The following ZW10 variants were observed in gnomAD, a reference collection of about 807,000 sequenced individuals.
The protein encoded by ZW10 is zw10 kinetochore protein, also known as centromere/kinetochore protein zw10 homolog.
Under a neutral mutation model 87.8 loss-of-function variants are expected in ZW10, and 53 were observed. The ratio of observed to expected loss-of-function variants is 0.60; its 90% confidence interval spans 0.48 to 0.76. The LOEUF (loss-of-function observed/expected upper bound fraction) is 0.76, where lower values mean the gene tolerates loss of function less well. Among genes scored for constraint, ZW10 ranks in the 30% least tolerant of loss-of-function variants. The pLI is 0.00. For synonymous variants in ZW10, 312 were observed against 329.2 expected (o/e 0.95, Z 0.57); for missense variants, 837 against 923.0 (o/e 0.91, Z 1.21).
At chr11:113,751,649 C>T (rs867957711) in intron 7 of ZW10, among the ~76,000 whole-genome samples, 26 of 152,256 alleles carry the variant, frequency 1.7e-4, no homozygotes, top group Middle Eastern at 6.8e-3. Flanking sequence ...CCAAGGAGGG[C>T]AGATTACAAG....
rs111230072 is a variant in ZW10, at chr11:113,767,941, C to T, written c.240+892G>A. ...TTCCTTCCCCTGTTGCCTATCACTT[C>T]CCGTCTTGGTTTGGATGCCATTTCC... On this transcript the variant is annotated intron_variant, in intron 2 of 15. Coordinates refer to ENST00000200135, the MANE Select transcript of ZW10 (RefSeq NM_004724.4). 7.9e-3 allele frequency among the ~76,000 whole-genome samples: 1,210 copies of T among 152,302 alleles called. 14 individuals are homozygous for T. Among genetic ancestry groups the T allele is most frequent in the African/African-American group, 0.028 (1,168 of 41,556 alleles).
At chr11:113,747,415 T>C (rs1953690231) in intron 9 of ZW10, 116 bp downstream of exon 9, 1 of 903,144 alleles carries the variant, frequency 1.1e-6, no homozygotes, top group Non-Finnish European at 1.6e-6. Flanking sequence ...AAAAGATTGA[T>C]AACTTGACTC....
intron 11 of ZW10, 84 bp downstream of exon 11, chr11:113,741,610 G>T: frequency 1.2e-6 from 1 of 819,476 alleles, no homozygotes. Flanking sequence ...TCTTTAGTGG[G>T]AATATAAAAT....
At position 113,757,784 on chromosome 11, in the gene ZW10, C is replaced by A. The variant is rs1442000387; in HGVS notation, c.803G>T (p.Ser268Ile). 6.2e-7 allele frequency: 1 copy of A among 1,613,664 alleles called. No homozygotes were observed. Residue 268 changes from serine to isoleucine, a missense_variant, in exon 7 of 16, where the codon AGC (serine) becomes ATC (isoleucine). Coordinates refer to ENST00000200135, the MANE Select transcript of ZW10 (RefSeq NM_004724.4). Reference sequence around the variant, plus strand: ...ACGAATAATAACTATGTTAGGCTGGCTTTCTATCACAGCATGAAGGGATGG... The same window carrying A: ...ACGAATAATAACTATGTTAGGCTGGATTTCTATCACAGCATGAAGGGATGG... ...SCPSLHAVIE[S>I]QPNIVIIRFE...
chr11:113,746,495 C>CAAAAAAAAAAAAAAAAAAAAA (rs566009326), intron 9 of ZW10, among the ~76,000 whole-genome samples: 1 of 105,342 alleles, frequency 9.5e-6, no homozygotes, highest in Non-Finnish European at 1.8e-5. Flanking sequence ...ACAAAACAGT[C>CAAAAAAAAAAAAAAAAAAAAA]AAAAAAAAAA....
chr11:113,749,828 C>G (rs1249091580), intron 7 of ZW10, among the ~76,000 whole-genome samples: 1 of 152,178 alleles, frequency 6.6e-6, no homozygotes, highest in African/African-American at 2.4e-5. Context: ...GTCAAGCACT[C>G]AACAGGCACA....
Position 113,773,583 on chromosome 11 carries a change from G to T in ZW10, c.84C>A (p.Thr28=). The T allele has an allele frequency of 1.2e-6, 2 of 1,613,728 alleles. No individual in the cohort carries two copies. The highest frequency in any genetic ancestry group is 1.7e-6 in the Non-Finnish European group (2 of 1,179,968). Residue 28 remains threonine, a synonymous_variant, in exon 1 of 16, where the codon ACC becomes ACA. Coordinates refer to ENST00000200135, the MANE Select transcript of ZW10 (RefSeq NM_004724.4). ...TCACCTTGATCTCCTCCACCCGCCG[G>T]GTCAGGCGGCTGATCCGGGTCCCCA... ...EDLGTRISRL[T]RRVEEIKGEV... is the part of the protein sequence containing the mutation.
intron 2 of ZW10, among the ~76,000 whole-genome samples, chr11:113,764,947 C>T (rs997699465): frequency 6.6e-6 from 1 of 152,172 alleles, no homozygotes; most frequent in African/African-American, 2.4e-5. Context: ...TGTCTTACTC[C>T]AAACCAGTGG....
chr11:113,758,758 C>T (rs1382284439), intron 5 of ZW10, 52 bp from the exon 6 acceptor site: 2 of 1,560,624 alleles, frequency 1.3e-6, no homozygotes, highest in East Asian at 2.3e-5. Flanking sequence ...GAGATGTTCC[C>T]ACTTCTATTC....
chr11:113,763,872 C>T (rs1953886701), intron 2 of ZW10, among the ~76,000 whole-genome samples: 1 of 152,168 alleles, frequency 6.6e-6, no homozygotes. Flanking sequence ...AATTAGATCC[C>T]ATTTGTCAAT....
intron 15 of ZW10, among the ~76,000 whole-genome samples, chr11:113,734,525 C>G (rs898073202): frequency 2.0e-5 from 3 of 152,068 alleles, no homozygotes; most frequent in South Asian, 4.2e-4. Flanking sequence ...GGATTTCAGG[C>G]CAGGAGTGGT....
intron 7 of ZW10, among the ~76,000 whole-genome samples, chr11:113,748,636 C>T (rs1953705434): frequency 1.3e-5 from 2 of 152,116 alleles, no homozygotes; most frequent in South Asian, 4.1e-4. Context: ...ATATTACTGT[C>T]TGTACTCTGT....
chr11:113,755,998 T>TA (rs1474126538), intron 7 of ZW10, among the ~76,000 whole-genome samples: 3 of 152,152 alleles, frequency 2.0e-5, no homozygotes, highest in Admixed American at 6.5e-5. Context: ...CACTGGGAAA[T>TA]AAAAAAATTT....
In ZW10 at chr11:113,743,915, T is replaced by C. The variant is rs1264778097; in HGVS notation, c.1398A>G (p.Thr466=). The change falls in exon 10 of 16, where the codon ACA becomes ACG. Residue 466 remains threonine (T), a synonymous_variant. Coordinates refer to ENST00000200135, the MANE Select transcript of ZW10 (RefSeq NM_004724.4). ...GCAAGGAAAAGGAATGTTGGTCCAATGTATTTTCAGGCTCTAAATTCATCA... is the reference window on the plus strand; with the variant it reads ...GCAAGGAAAAGGAATGTTGGTCCAACGTATTTTCAGGCTCTAAATTCATCA... ...HEVMNLEPEN[T]LDQHSFSLPT... 4.3e-6 allele frequency: 7 copies of C among 1,614,070 alleles called. No homozygotes were observed. Among genetic ancestry groups the C allele is most frequent in the Middle Eastern group, 1.6e-4 (1 of 6,084 alleles).
chr11:113,768,558 C>A (rs950548666), intron 2 of ZW10, among the ~76,000 whole-genome samples: 2 of 152,158 alleles, frequency 1.3e-5, no homozygotes, highest in South Asian at 2.1e-4. Context: ...ACAGATTGAT[C>A]CACTCACTTT....
chr11:113,768,923 C>A lies in ZW10; in HGVS notation c.150G>T (p.Leu50=), dbSNP rs756644072. The A allele has an allele frequency of 1.2e-6, 2 of 1,614,176 alleles. No individual in the cohort carries two copies. The highest frequency in any genetic ancestry group is 3.3e-5 in the Admixed American group (2 of 60,030). ...NMISKKYSEF[L]PSMQSAQGLI... is the part of the protein sequence containing the mutation. Reference sequence around the variant, plus strand: ...GGCCCTGCGCGCTCTGCATGCTAGGCAGGAATTCACTGTACTTCTTGCTAA... The same window carrying A: ...GGCCCTGCGCGCTCTGCATGCTAGGAAGGAATTCACTGTACTTCTTGCTAA... The change falls in exon 2 of 16, where the codon CTG becomes CTT. Residue 50 remains leucine (L), a synonymous_variant. Transcript: ENST00000200135.
chr11:113,746,125 C>T (rs1163929699), intron 9 of ZW10, among the ~76,000 whole-genome samples: 2 of 152,198 alleles, frequency 1.3e-5, no homozygotes, highest in African/African-American at 2.4e-5. Context: ...AAGAATTAGC[C>T]GGTCCCAAAT....
At chr11:113,734,230 C>T (rs1354686591) in intron 15 of ZW10, among the ~76,000 whole-genome samples, 2 of 152,130 alleles carry the variant, frequency 1.3e-5, no homozygotes, top group African/African-American at 4.8e-5. Context: ...CACAAACAAC[C>T]TATTAGAATA....
chr11:113,755,942 G>A lies in ZW10; in HGVS notation c.925+1720C>T, dbSNP rs182979819. Among the ~76,000 whole-genome samples the A allele has an allele frequency of 2.3e-3, 356 of 152,138 alleles. 1 individual carries two copies. The highest frequency in any genetic ancestry group is 8.4e-3 in the African/African-American group (348 of 41,496). ...TACACTTTTTAGACATAATGCTATA[G>A]CACACTTAATAGACAACAGTACAGT... On this transcript the variant is annotated intron_variant, in intron 7 of 15. Coordinates refer to ENST00000200135, the MANE Select transcript of ZW10 (RefSeq NM_004724.4).
Sources: allele counts gnomAD v4.1 joint callset (sites outside exome capture counted in the v4.1 genomes callset), GRCh38; gene constraint gnomAD v4.1.1; transcripts MANE v1.5; gene names NCBI Gene and HGNC (gene_info 2026-07-23, HGNC 2026-07-21).